CTNNA3: variants seen among roughly 807,000 people sequenced by gnomAD.
CTNNA3 encodes catenin alpha 3.
Under a neutral mutation model 95.7 loss-of-function variants are expected in CTNNA3, and 76 were observed. The observed-to-expected ratio is 0.79, with a 90% CI of 0.66 to 0.96. The LOEUF is 0.96. Ranked by LOEUF, CTNNA3 falls within the 40% of genes least tolerant of loss-of-function variation. The probability of loss-of-function intolerance (pLI) is 0.00; values close to 1 mark genes in which losing one functional copy is unlikely to be tolerated. For missense variants in CTNNA3, 1,191 were observed against 1,089.8 expected, an observed-to-expected ratio of 1.09 and a Z score of -1.31; for synonymous variants, 431 against 374.4, an observed-to-expected ratio of 1.15 and a Z score of -1.74.
intron 12 of CTNNA3, among the ~76,000 whole-genome samples, chr10:66,293,802 A>T (rs58386099): frequency 6.6e-6 from 1 of 151,588 alleles, no homozygotes; most frequent in African/African-American, 2.4e-5. Context: ...AGTAGCTGGG[A>T]TTACAGGCGC....
intron 7 of CTNNA3, among the ~76,000 whole-genome samples, chr10:66,889,229 A>G (rs547850106): frequency 2.0e-5 from 3 of 152,326 alleles, no homozygotes; most frequent in Admixed American, 1.3e-4. Context: ...GGTAGGAGAG[A>G]GGGATGAATA....
At chr10:67,481,174 C>A (rs931423472) in intron 5 of CTNNA3, among the ~76,000 whole-genome samples, 7 of 152,104 alleles carry the variant, frequency 4.6e-5, no homozygotes, top group African/African-American at 1.7e-4. Flanking sequence ...CAACATCATA[C>A]TGAATGAGCA....
intron 3 of CTNNA3, among the ~76,000 whole-genome samples, chr10:67,576,020 A>G (rs1254574728): frequency 6.6e-6 from 1 of 152,208 alleles, no homozygotes; most frequent in Non-Finnish European, 1.5e-5. Context: ...TTCACCTGAA[A>G]CAGAGAATGA....
chr10:66,125,729 G>A (rs1201525128), intron 13 of CTNNA3, among the ~76,000 whole-genome samples: 1 of 152,140 alleles, frequency 6.6e-6, no homozygotes, highest in Admixed American at 6.5e-5. Context: ...GCTTATAGCT[G>A]GGTGAAAGAA....
rs536153619 is a variant in CTNNA3 at position 66,803,300 on chromosome 10, T to C, written c.1048-27776A>G. 2.5e-3 allele frequency among the ~76,000 whole-genome samples: 379 copies of C among 152,144 alleles called. 3 individuals are homozygous for C. The highest frequency in any genetic ancestry group is 8.3e-3 in the African/African-American group (346 of 41,552). Reference sequence around the variant, plus strand: ...TCAACTACTTACAATTCCCCAAACTTACATTAGCACATGAATTCTGTTTGC... The same window carrying C: ...TCAACTACTTACAATTCCCCAAACTCACATTAGCACATGAATTCTGTTTGC... On this transcript the variant is annotated intron_variant, in intron 7 of 17. Transcript: ENST00000433211.
chr10:67,537,055 T>C (rs997280908), intron 4 of CTNNA3, among the ~76,000 whole-genome samples: 3 of 152,146 alleles, frequency 2.0e-5, no homozygotes, highest in African/African-American at 7.2e-5. Context: ...CACTTCCTTT[T>C]TCATAACATA....
At chr10:66,138,590 A>G (rs2083464124) in intron 13 of CTNNA3, among the ~76,000 whole-genome samples, 1 of 152,192 alleles carries the variant, frequency 6.6e-6, no homozygotes, top group African/African-American at 2.4e-5. Flanking sequence ...GCACTTTGGG[A>G]GGCCGAGGTG....
chr10:66,771,897 T>A (rs898795373), intron 8 of CTNNA3, among the ~76,000 whole-genome samples: 3 of 152,038 alleles, frequency 2.0e-5, no homozygotes, highest in African/African-American at 7.2e-5. Context: ...ATGCTGTAAG[T>A]GTTCCAGGAA....
chr10:66,131,171 C>T (rs1477359263), intron 13 of CTNNA3, among the ~76,000 whole-genome samples: 2 of 151,836 alleles, frequency 1.3e-5, no homozygotes, highest in African/African-American at 4.8e-5. Flanking sequence ...CCTACTGAAA[C>T]TTTTCCAAAA....
At chr10:66,540,874 C>T (rs1841826702) in intron 10 of CTNNA3, among the ~76,000 whole-genome samples, 1 of 152,108 alleles carries the variant, frequency 6.6e-6, no homozygotes, top group Non-Finnish European at 1.5e-5. Flanking sequence ...TATTCCCTCT[C>T]AGGCTTTATC....
intron 7 of CTNNA3, among the ~76,000 whole-genome samples, chr10:66,869,084 T>C (rs1448776928): frequency 1.3e-5 from 2 of 152,204 alleles, no homozygotes; most frequent in Admixed American, 6.5e-5. Context: ...GAATCTAGAA[T>C]TCTAGTTTGA....
chr10:66,438,711 C>G (rs2093355156), intron 11 of CTNNA3, among the ~76,000 whole-genome samples: 1 of 152,098 alleles, frequency 6.6e-6, no homozygotes, highest in Non-Finnish European at 1.5e-5. Context: ...ATGGTTCTGT[C>G]TTGCTAGCAT....
At chr10:66,300,745 A>G (rs2091849823) in intron 12 of CTNNA3, among the ~76,000 whole-genome samples, 1 of 152,078 alleles carries the variant, frequency 6.6e-6, no homozygotes, top group Non-Finnish European at 1.5e-5. Context: ...ATTAAAGTCT[A>G]TAACCTAAGC....
intron 13 of CTNNA3, among the ~76,000 whole-genome samples, chr10:66,170,056 T>G (rs1373610866): frequency 6.6e-6 from 1 of 152,096 alleles, no homozygotes; most frequent in Non-Finnish European, 1.5e-5. Flanking sequence ...TCGTTTTTGT[T>G]GCATTTGTAT....
At chr10:66,051,582 CAGTT>C (rs144068125) in intron 15 of CTNNA3, among the ~76,000 whole-genome samples, 61 of 152,282 alleles carry the variant, frequency 4.0e-4, no homozygotes, top group African/African-American at 1.4e-3. Flanking sequence ...GATTTCCAAA[CAGTT>C]ACATTAAGCT....
At chr10:67,597,387 T>C (rs1328166958) in intron 3 of CTNNA3, among the ~76,000 whole-genome samples, 1 of 152,184 alleles carries the variant, frequency 6.6e-6, no homozygotes, top group African/African-American at 2.4e-5. Flanking sequence ...TCTGTGTGGG[T>C]TGATGTTCCC....
intron 7 of CTNNA3, among the ~76,000 whole-genome samples, chr10:67,093,891 A>G (rs1040366241): frequency 1.3e-5 from 2 of 152,040 alleles, no homozygotes; most frequent in African/African-American, 4.8e-5. Flanking sequence ...ACTGACTATA[A>G]TTTGAAAGGG....
intron 13 of CTNNA3, among the ~76,000 whole-genome samples, chr10:66,247,064 A>G (rs941817384): frequency 6.6e-6 from 1 of 151,972 alleles, no homozygotes; most frequent in African/African-American, 2.4e-5. Flanking sequence ...AAAAAAAAAA[A>G]AAAAAATTAC....
chr10:67,353,530 T>C (rs1420923858), intron 5 of CTNNA3, among the ~76,000 whole-genome samples: 1 of 152,008 alleles, frequency 6.6e-6, no homozygotes, highest in Admixed American at 6.6e-5. Flanking sequence ...ATTTGATGTT[T>C]ACTTAGAATG....
Sources: gnomAD v4.1 joint callset for allele counts (sites outside exome capture counted in the v4.1 genomes callset) on GRCh38, gnomAD v4.1.1 for gene constraint, MANE v1.5 for transcripts, NCBI Gene and HGNC (gene_info 2026-07-23, HGNC 2026-07-21) for gene names.